The following MAPK10 variants were observed in gnomAD, a reference collection of about 807,000 sequenced individuals.
MAPK10 encodes the protein mitogen-activated protein kinase 10.
Under a neutral mutation model 59.3 loss-of-function variants are expected in MAPK10, and 25 were observed. That is an observed-to-expected ratio of 0.42 (90% CI 0.31 to 0.59). The LOEUF (loss-of-function observed/expected upper bound fraction) is 0.59. MAPK10 is among the 20% of genes least tolerant of loss of function. MAPK10 has a pLI of 0.15. For missense variants in MAPK10, 351 were observed against 568.9 expected, an observed-to-expected ratio of 0.62 and a Z score of 3.90; for synonymous variants, 190 against 200.5, an observed-to-expected ratio of 0.95 and a Z score of 0.44.
intron 1 of MAPK10, among the ~76,000 whole-genome samples, chr4:86,463,559 T>A (rs1046324655): frequency 1.3e-5 from 2 of 152,238 alleles, no homozygotes; most frequent in African/African-American, 4.8e-5. Flanking sequence ...GCTGGCTTAA[T>A]TATAGCTCCT....
At chr4:86,457,848 C>T (rs571131070), upstream of MAPK10, 1 of 152,190 alleles carries the variant, frequency 6.6e-6, no homozygotes, top group African/African-American at 2.4e-5. Flanking sequence ...GCCTACATAG[C>T]CAAAGCAAGA....
chr4:86,285,223 C>CTT (rs535093991), intron 2 of MAPK10, among the ~76,000 whole-genome samples: 1 of 145,728 alleles, frequency 6.9e-6, no homozygotes. Flanking sequence ...CTAAATGACA[C>CTT]TTTTTTTTTT....
chr4:86,312,362 G>A (rs758071225), intron 2 of MAPK10, among the ~76,000 whole-genome samples: 4 of 151,790 alleles, frequency 2.6e-5, no homozygotes, highest in Non-Finnish European at 4.4e-5. Flanking sequence ...TTTTTATTAC[G>A]TGTGACTAGT....
intron 6 of MAPK10, 168 bp from the exon 7 acceptor site, chr4:86,102,200 G>A (rs747708610): frequency 5.2e-5 from 28 of 540,154 alleles, no homozygotes; most frequent in Admixed American, 1.5e-4. Context: ...TTAGCTATAC[G>A]AACCCTACCA....
At chr4:86,433,790 A>G (rs1178183909) in intron 1 of MAPK10, among the ~76,000 whole-genome samples, 3 of 152,030 alleles carry the variant, frequency 2.0e-5, no homozygotes, top group Admixed American at 1.3e-4. Context: ...TTGAAGGAGG[A>G]AGGTTGACCC....
intron 2 of MAPK10, among the ~76,000 whole-genome samples, chr4:86,198,559 A>G (rs12509960): frequency 0.085 from 12,906 of 152,036 alleles, 1,216 homozygotes; most frequent in African/African-American, 0.23. Flanking sequence ...CAGCGTTCTC[A>G]ACAATTCCTA....
rs117739924 is a variant in MAPK10 at position 86,181,038 on chromosome 4, A to G, written c.66+13298T>C. On this transcript the variant is annotated intron_variant, in intron 3 of 13. Transcript: ENST00000641462. ...GTGATAAATGTTTGAGATGATGGATATGTTAATCACCCTGATGTGATTACT... is the reference window on the plus strand; with the variant it reads ...GTGATAAATGTTTGAGATGATGGATGTGTTAATCACCCTGATGTGATTACT... Among the ~76,000 whole-genome samples the G allele has an allele frequency of 1.0e-3, 157 of 152,248 alleles. 3 individuals are homozygous for G. The East Asian group carries it at 0.024, about 23-fold the overall frequency.
chr4:86,054,407 G>A (rs145523097), intron 11 of MAPK10, among the ~76,000 whole-genome samples: 112 of 152,210 alleles, frequency 7.4e-4, no homozygotes, highest in African/African-American at 2.6e-3. Context: ...ATAGCTTCAC[G>A]TTAAGCAGCT....
At chr4:86,110,954 A>C (rs1217454858) in intron 4 of MAPK10, among the ~76,000 whole-genome samples, 1 of 152,004 alleles carries the variant, frequency 6.6e-6, no homozygotes, top group East Asian at 1.9e-4. Flanking sequence ...GTCCCTTGTT[A>C]GCTGTATTCC....
intron 2 of MAPK10, among the ~76,000 whole-genome samples, chr4:86,340,933 C>T (rs917955439): frequency 6.6e-6 from 1 of 152,124 alleles, no homozygotes; most frequent in East Asian, 1.9e-4. Context: ...TTTTAATGTC[C>T]TATACAATTT....
chr4:86,174,233 T>C (rs2075129194), intron 3 of MAPK10, among the ~76,000 whole-genome samples: 1 of 152,174 alleles, frequency 6.6e-6, no homozygotes, highest in South Asian at 2.1e-4. Flanking sequence ...TGCCCATTAA[T>C]AATAGACTGG....
intron 1 of MAPK10, among the ~76,000 whole-genome samples, chr4:86,490,264 C>G (rs192049119): frequency 1.3e-5 from 2 of 152,142 alleles, no homozygotes; most frequent in Non-Finnish European, 2.9e-5. Flanking sequence ...TTCCTTCATT[C>G]CTCCTAAGGG....
chr4:86,399,978 G>T (rs934200158), intron 1 of MAPK10, among the ~76,000 whole-genome samples: 1 of 152,018 alleles, frequency 6.6e-6, no homozygotes, highest in Admixed American at 6.6e-5. Flanking sequence ...ATATAAATTG[G>T]TATGGGAAAC....
At chr4:86,408,723 C>T (rs183002639) in intron 1 of MAPK10, among the ~76,000 whole-genome samples, 1 of 152,250 alleles carries the variant, frequency 6.6e-6, no homozygotes, top group Admixed American at 6.5e-5. Context: ...CTGCTCATAT[C>T]GTTTCCCCAC....
intron 9 of MAPK10, among the ~76,000 whole-genome samples, chr4:86,073,651 A>T: frequency 2.8e-5 from 3 of 108,298 alleles, no homozygotes; most frequent in Non-Finnish European, 4.0e-5. Flanking sequence ...TTCGTTATGT[A>T]CCCAGTAGTC....
At chr4:86,436,391 CA>C (rs1438384810) in intron 1 of MAPK10, among the ~76,000 whole-genome samples, 1 of 152,052 alleles carries the variant, frequency 6.6e-6, no homozygotes, top group African/African-American at 2.4e-5. Flanking sequence ...ATAATGATAG[CA>C]AAAGAAATTG....
intron 1 of MAPK10, among the ~76,000 whole-genome samples, chr4:86,559,861 C>A (rs1760538673): frequency 6.6e-6 from 1 of 151,356 alleles, no homozygotes; most frequent in African/African-American, 2.4e-5. Flanking sequence ...ATCGCTTGAA[C>A]CTGGGAGGCA....
chr4:86,440,423 C>T (rs1241277583), intron 1 of MAPK10, among the ~76,000 whole-genome samples: 3 of 151,920 alleles, frequency 2.0e-5, no homozygotes, highest in Admixed American at 6.6e-5. Context: ...TCTTTTGAAC[C>T]TAGGAGTTCA....
chr4:86,190,387 G>A (rs2079399186), intron 3 of MAPK10, among the ~76,000 whole-genome samples: 1 of 152,014 alleles, frequency 6.6e-6, no homozygotes, highest in Admixed American at 6.5e-5. Context: ...GGCTTTTTTT[G>A]GTTGGTAGGC....
Sources: gnomAD v4.1 joint callset for allele counts (sites outside exome capture counted in the v4.1 genomes callset) on GRCh38, gnomAD v4.1.1 for gene constraint, MANE v1.5 for transcripts, NCBI Gene and HGNC (gene_info 2026-07-23, HGNC 2026-07-21) for gene names.